FBXW10B: variants seen among roughly 807,000 people sequenced by gnomAD.
The protein encoded by FBXW10B is F-box and WD repeat domain containing protein 10B.
chr17:15,577,728 T>C, the FBXW10B span, among the ~76,000 whole-genome samples: 4 of 152,188 alleles, frequency 2.6e-5, no homozygotes, highest in Non-Finnish European at 4.4e-5. Flanking sequence ...TTTTCATTGG[T>C]TGGTGTTAGA....
At chr17:15,600,681 C>T in the FBXW10B span, among the ~76,000 whole-genome samples, 2 of 152,238 alleles carry the variant, frequency 1.3e-5, no homozygotes, top group Admixed American at 1.3e-4. Flanking sequence ...CTACTGCCTG[C>T]CACAGCACTG....
At chr17:15,578,557 A>G in the FBXW10B span, among the ~76,000 whole-genome samples, 2 of 152,192 alleles carry the variant, frequency 1.3e-5, no homozygotes, top group Non-Finnish European at 1.5e-5. Flanking sequence ...ATCTGGCTCA[A>G]TCAGGAGAAA....
the FBXW10B span, among the ~76,000 whole-genome samples, chr17:15,607,843 G>A: frequency 6.7e-6 from 1 of 149,656 alleles, no homozygotes. Flanking sequence ...CAGTGAGCAA[G>A]CACCAAAGGA....
chr17:15,611,818 G>A, the FBXW10B span, among the ~76,000 whole-genome samples: 1 of 152,210 alleles, frequency 6.6e-6, no homozygotes, highest in Non-Finnish European at 1.5e-5. Context: ...TGCCTTGATA[G>A]TCAAAGCAAA....
At chr17:15,580,232 T>G in the FBXW10B span, among the ~76,000 whole-genome samples, 1 of 152,206 alleles carries the variant, frequency 6.6e-6, no homozygotes, top group Admixed American at 6.5e-5. Context: ...AGTGCTGTTT[T>G]TCTTATTCAC....
At chr17:15,603,566 C>G in the FBXW10B span, among the ~76,000 whole-genome samples, 1 of 152,158 alleles carries the variant, frequency 6.6e-6, no homozygotes, top group South Asian at 2.1e-4. Flanking sequence ...GTTAGACTGT[C>G]AATATTAAGT....
the FBXW10B span, among the ~76,000 whole-genome samples, chr17:15,608,925 T>G: frequency 6.6e-6 from 1 of 152,090 alleles, no homozygotes; most frequent in African/African-American, 2.4e-5. Flanking sequence ...GCGCTTTCAT[T>G]TGCTTCCCAG....
the FBXW10B span, among the ~76,000 whole-genome samples, chr17:15,587,259 G>C: frequency 6.6e-6 from 1 of 151,294 alleles, no homozygotes; most frequent in African/African-American, 2.5e-5. Context: ...ACTGACCACA[G>C]GGTTCAGAAG....
the FBXW10B span, chr17:15,589,341 C>A: frequency 6.4e-6 from 8 of 1,255,784 alleles, no homozygotes; most frequent in Non-Finnish European, 8.9e-6. Context: ...GTGCTGCCTA[C>A]CTGTGACTAC....
At chr17:15,619,148 A>G in the FBXW10B span, 3 of 1,613,982 alleles carry the variant, frequency 1.9e-6, no homozygotes, top group Non-Finnish European at 2.5e-6. Flanking sequence ...AAACCAATAC[A>G]AGATCTCTTT....
chr17:15,570,325 C>G, the FBXW10B span, among the ~76,000 whole-genome samples: 2 of 152,294 alleles, frequency 1.3e-5, no homozygotes, highest in South Asian at 2.1e-4. Context: ...GACAGACAGA[C>G]AGACTTTGGA....
chr17:15,614,258 G>A, the FBXW10B span, among the ~76,000 whole-genome samples: 2 of 151,870 alleles, frequency 1.3e-5, no homozygotes, highest in Non-Finnish European at 2.9e-5. Flanking sequence ...GCGCGATCTC[G>A]GCTCACTGCA....
the FBXW10B span, among the ~76,000 whole-genome samples, chr17:15,613,108 GGA>G: frequency 0.41 from 62,266 of 150,776 alleles, 15,895 homozygotes; most frequent in African/African-American, 0.72. Flanking sequence ...TCTCTGCTGG[GGA>G]AAAAAAAAAA....
chr17:15,619,592 A>G, the FBXW10B span: 1 of 1,490,956 alleles, frequency 6.7e-7, no homozygotes. Flanking sequence ...ACGGGGGGAA[A>G]TGAATAAATA....
chr17:15,603,606 C>T, the FBXW10B span, among the ~76,000 whole-genome samples: 80 of 151,980 alleles, frequency 5.3e-4, 1 homozygote, highest in Non-Finnish European at 2.1e-4. Context: ...AAGAGATATT[C>T]TCATATGCTG....
the FBXW10B span, among the ~76,000 whole-genome samples, chr17:15,610,841 C>G: frequency 5.3e-5 from 8 of 152,218 alleles, no homozygotes; most frequent in African/African-American, 1.9e-4. Flanking sequence ...TTGTGTTATA[C>G]TTAAAACAGC....
At chr17:15,577,999 T>A in the FBXW10B span, among the ~76,000 whole-genome samples, 3 of 148,190 alleles carry the variant, frequency 2.0e-5, no homozygotes, top group Non-Finnish European at 3.0e-5. Context: ...AGAGAAAATG[T>A]CCTTGGAGGA....
At chr17:15,580,092 G>A in the FBXW10B span, among the ~76,000 whole-genome samples, 1 of 150,892 alleles carries the variant, frequency 6.6e-6, no homozygotes, top group African/African-American at 2.4e-5. Flanking sequence ...TTTTGTATAT[G>A]AGTTTTGAAA....
the FBXW10B span, chr17:15,615,576 G>C: frequency 1.3e-6 from 2 of 1,597,306 alleles, no homozygotes; most frequent in South Asian, 1.1e-5. Flanking sequence ...GCCTCCCAAA[G>C]TGCTGGGATT....
Sources: allele counts gnomAD v4.1 joint callset (sites outside exome capture counted in the v4.1 genomes callset), GRCh38; gene constraint gnomAD v4.1.1; transcripts MANE v1.5; gene names NCBI Gene and HGNC (gene_info 2026-07-23, HGNC 2026-07-21).